Variants in COL5A2 observed in about 807,000 individuals in gnomAD.
The protein encoded by COL5A2 is collagen type V alpha 2 chain, also known as collagen alpha-2(V) chain.
Under a neutral mutation model 208.2 loss-of-function variants are expected in COL5A2, and 23 were observed. The ratio of observed to expected loss-of-function variants is 0.11; its 90% CI spans 0.08 to 0.16. COL5A2 has a LOEUF of 0.16. Ranked by LOEUF, COL5A2 falls within the 10% of genes least tolerant of loss-of-function variation. The probability of loss-of-function intolerance (pLI) is 1.00; values close to 1 mark genes in which losing one functional copy is unlikely to be tolerated. For synonymous variants in COL5A2, 625 were observed against 628.5 expected (o/e 0.99, Z 0.08); for missense variants, 1,590 against 1,956.4 (o/e 0.81, Z 3.53).
In COL5A2 at chr2:189,063,985, G is replaced by A. The variant is rs544303636; in HGVS notation, c.1765C>T (p.Pro589Ser). 29 of 1,612,582 alleles carry A rather than the reference G, an allele frequency of 1.8e-5. No individual in the cohort carries two copies. The highest frequency in any genetic ancestry group is 3.3e-5 in the Admixed American group (2 of 59,970). The change falls in exon 26 of 54, where the codon CCT (proline) becomes TCT (serine). Residue 589 changes from proline to serine, a missense_variant. Pro to Ser is a moderately conservative substitution (Grantham distance 74). Transcript: ENST00000374866. The part of the protein sequence containing the change: ...GVQGPEGKLG[P>S]LGAPGEDGRP... ...CTTCTGTTTAAATTACTTACCAAAG[G>A]TCCAAGTTTTCCTTCAGGACCTTGA...
At chr2:189,191,785 A>G (rs1444283210) in intron 1 of COL5A2, among the ~76,000 whole-genome samples, 2 of 151,942 alleles carry the variant, frequency 1.3e-5, no homozygotes, top group African/African-American at 4.8e-5. Flanking sequence ...TTATTTTTTT[A>G]TGATTTTACT....
At chr2:189,311,735 G>A in the COL5A2 span, 2 of 767,360 alleles carry the variant, frequency 2.6e-6, no homozygotes, top group South Asian at 2.8e-5. Flanking sequence ...TCAATCTGCT[G>A]AGACCAGTAC....
chr2:189,419,955 G>T, the COL5A2 span, among the ~76,000 whole-genome samples: 24 of 144,896 alleles, frequency 1.7e-4, no homozygotes, highest in African/African-American at 6.1e-4. Flanking sequence ...AGGAAAAGAG[G>T]TGAGAGGAGA....
chr2:189,320,592 A>C, the COL5A2 span, among the ~76,000 whole-genome samples: 2 of 152,316 alleles, frequency 1.3e-5, no homozygotes, highest in South Asian at 4.1e-4. Context: ...TGAATGAAAT[A>C]AAGTGAGAAA....
chr2:189,382,155 C>T, the COL5A2 span, among the ~76,000 whole-genome samples: 1 of 152,104 alleles, frequency 6.6e-6, no homozygotes. Context: ...AAACAACTCA[C>T]ATGCTAACTT....
At chr2:189,330,262 C>G in the COL5A2 span, among the ~76,000 whole-genome samples, 1 of 152,064 alleles carries the variant, frequency 6.6e-6, no homozygotes, top group Non-Finnish European at 1.5e-5. Context: ...GTAAAAAATC[C>G]TCTGAGCCAC....
the COL5A2 span, among the ~76,000 whole-genome samples, chr2:189,395,248 C>T: frequency 6.6e-6 from 1 of 152,094 alleles, no homozygotes; most frequent in Non-Finnish European, 1.5e-5. Context: ...CTTTCGTGGT[C>T]TTTTGGACAA....
In COL5A2 at chr2:189,072,143, T is replaced by C. The variant is rs571221341; in HGVS notation, c.1105-50A>G. ...ATCAGACATGTATTCAATTAGTATC[T>C]AATTAGGTCATTTTTTAGAGTTTGG... On this transcript the variant is annotated intron_variant, in intron 17 of 53. Transcript: ENST00000374866. 8.5e-6 allele frequency: 11 copies of C among 1,299,096 alleles called. No individual in the cohort carries two copies. In the South Asian group the frequency reaches 1.2e-4, roughly 15 times the overall value. The allele number at this position is 1,299,096 out of a possible 1,614,324, so 80.5% of individuals were successfully genotyped here.
the COL5A2 span, among the ~76,000 whole-genome samples, chr2:189,317,468 T>C: frequency 2.0e-5 from 3 of 152,158 alleles, no homozygotes; most frequent in Non-Finnish European, 2.9e-5. Context: ...TTCTATGTAC[T>C]GTTAGGTTCT....
chr2:189,346,557 AATTT>A, the COL5A2 span, among the ~76,000 whole-genome samples: 1 of 152,218 alleles, frequency 6.6e-6, no homozygotes. Flanking sequence ...CAATGGAATT[AATTT>A]ATTTGCTTTT....
At chr2:189,167,706 T>G (rs1385270061) in intron 1 of COL5A2, among the ~76,000 whole-genome samples, 2 of 145,160 alleles carry the variant, frequency 1.4e-5, no homozygotes, top group African/African-American at 2.5e-5. Flanking sequence ...GCTTTGTAAA[T>G]CCCTGTGCAG....
At chr2:189,062,530 T>C (rs1206050271) in intron 29 of COL5A2, among the ~76,000 whole-genome samples, 1 of 152,018 alleles carries the variant, frequency 6.6e-6, no homozygotes, top group African/African-American at 2.4e-5. Flanking sequence ...GGTAAATAAT[T>C]GAGTATCTAA....
At chr2:189,164,244 C>T (rs149081151) in intron 1 of COL5A2, among the ~76,000 whole-genome samples, 92 of 152,192 alleles carry the variant, frequency 6.0e-4, no homozygotes, top group African/African-American at 1.8e-3. Context: ...CTTCCTGATG[C>T]GAGATGAATA....
At chr2:189,275,574 C>A in the COL5A2 span, among the ~76,000 whole-genome samples, 1 of 151,794 alleles carries the variant, frequency 6.6e-6, no homozygotes, top group Non-Finnish European at 1.5e-5. Context: ...CTGCCTCAGC[C>A]TCTCCAGCAG....
the COL5A2 span, among the ~76,000 whole-genome samples, chr2:189,372,124 T>C: frequency 1.3e-5 from 2 of 152,156 alleles, no homozygotes; most frequent in Non-Finnish European, 2.9e-5. Context: ...GGGCCCCACA[T>C]ACAGCTCAAG....
At chr2:189,274,444 G>A in the COL5A2 span, among the ~76,000 whole-genome samples, 1 of 152,058 alleles carries the variant, frequency 6.6e-6, no homozygotes, top group Non-Finnish European at 1.5e-5. Context: ...CTAACCTTGG[G>A]TTCAGCCTTA....
At chr2:189,277,097 C>T in the COL5A2 span, among the ~76,000 whole-genome samples, 5 of 151,616 alleles carry the variant, frequency 3.3e-5, no homozygotes, top group East Asian at 1.9e-4. Context: ...CTCATTTGTG[C>T]GATGAAGATA....
At chr2:189,204,022 C>A (rs1219375541) in intron 1 of COL5A2, among the ~76,000 whole-genome samples, 2 of 152,008 alleles carry the variant, frequency 1.3e-5, no homozygotes, top group Non-Finnish European at 2.9e-5. Context: ...CTCAGCTTCC[C>A]GAGTAGCTGG....
intron 1 of COL5A2, among the ~76,000 whole-genome samples, chr2:189,121,944 T>A (rs1358795593): frequency 6.6e-6 from 1 of 152,102 alleles, no homozygotes; most frequent in Non-Finnish European, 1.5e-5. Flanking sequence ...AAAGTTTATT[T>A]TACTTATACT....
Sources: allele counts gnomAD v4.1 joint callset (sites outside exome capture counted in the v4.1 genomes callset), GRCh38; gene constraint gnomAD v4.1.1; transcripts MANE v1.5; gene names NCBI Gene and HGNC (gene_info 2026-07-23, HGNC 2026-07-21).